The following NAV2 variants were observed in gnomAD, a reference collection of about 807,000 sequenced individuals.
NAV2 encodes the protein helicase, APC down-regulated 1.
Under a neutral mutation model 223.2 loss-of-function variants are expected in NAV2, and 54 were observed. The ratio of observed to expected loss-of-function variants is 0.24; its 90% CI spans 0.19 to 0.30. NAV2 has a LOEUF of 0.30. NAV2 is among the 10% of genes least tolerant of loss of function. NAV2 has a pLI of 1.00. For synonymous variants in NAV2, 1,279 were observed against 1,239.3 expected, an observed-to-expected ratio of 1.03 and a Z score of -0.67; for missense variants, 2,806 against 3,147.5, an observed-to-expected ratio of 0.89 and a Z score of 2.60.
intron 10 of NAV2, among the ~76,000 whole-genome samples, chr11:19,974,291 G>A (rs11604874): frequency 0.15 from 23,304 of 152,168 alleles, 1,886 homozygotes; most frequent in East Asian, 0.23. Flanking sequence ...AGACTTGGGG[G>A]AAAGGATGAA....
chr11:19,624,374 A>G (rs566775250), intron 1 of NAV2, among the ~76,000 whole-genome samples: 1 of 152,294 alleles, frequency 6.6e-6, no homozygotes, highest in East Asian at 1.9e-4. Context: ...GGTGGAGTCT[A>G]CAGAGGCAGG....
At chr11:19,831,248 A>AGGGGGGGGGGGGGGG (rs2059924837) in intron 1 of NAV2, among the ~76,000 whole-genome samples, 1 of 3,064 alleles carries the variant, frequency 3.3e-4, no homozygotes, top group Admixed American at 4.5e-3. Flanking sequence ...CGCGATGGGG[A>AGGGGGGGGGGGGGGG]GTGGGGGGGG....
chr11:20,107,867 G>A, intron 36 of NAV2, 85 bp downstream of exon 36: 1 of 914,824 alleles, frequency 1.1e-6, no homozygotes, highest in East Asian at 2.4e-5. Context: ...TCCTCCTCCA[G>A]GAATCTGACT....
intron 36 of NAV2, among the ~76,000 whole-genome samples, chr11:20,112,900 C>T (rs538332305): frequency 6.6e-6 from 1 of 152,336 alleles, no homozygotes; most frequent in Admixed American, 6.5e-5. Flanking sequence ...CTGTTGTCAG[C>T]ACCTTGCTCT....
At chr11:19,577,284 T>A (rs2045596789) in intron 1 of NAV2, among the ~76,000 whole-genome samples, 1 of 152,266 alleles carries the variant, frequency 6.6e-6, no homozygotes, top group African/African-American at 2.4e-5. Context: ...ATCAGCGTTC[T>A]ATTTGCTTCC....
intron 1 of NAV2, among the ~76,000 whole-genome samples, chr11:19,699,065 C>A (rs976820995): frequency 6.6e-6 from 1 of 152,208 alleles, no homozygotes; most frequent in Non-Finnish European, 1.5e-5. Flanking sequence ...GCCTAGGGCC[C>A]CCACTCTGTG....
chr11:19,649,766 C>T lies in NAV2; in HGVS notation c.76-182718C>T, dbSNP rs75361892. ...CCAAATAATAAGAAAACAATCAATGCAATTAAAAATTGAACAGAATATTTG... is the reference window on the plus strand; with the variant it reads ...CCAAATAATAAGAAAACAATCAATGTAATTAAAAATTGAACAGAATATTTG... On this transcript the variant is annotated intron_variant, in intron 1 of 37. Coordinates refer to the NAV2 transcript ENST00000360655. Among the ~76,000 whole-genome samples the T allele has an allele frequency of 2.6e-5, 4 of 152,162 alleles. No individual in the cohort carries two copies. In the East Asian group the frequency reaches 7.7e-4, roughly 29 times the overall value.
chr11:19,938,944 A>G (rs773549240), intron 7 of NAV2, among the ~76,000 whole-genome samples: 41 of 152,258 alleles, frequency 2.7e-4, no homozygotes, highest in Non-Finnish European at 5.4e-4. Context: ...ATGCAGGGTC[A>G]TGCATCTGAG....
chr11:19,682,333 G>A (rs964184641), intron 1 of NAV2, among the ~76,000 whole-genome samples: 6 of 152,146 alleles, frequency 3.9e-5, no homozygotes, highest in African/African-American at 1.2e-4. Flanking sequence ...TAATCCAATT[G>A]TTATCCTACT....
chr11:20,078,513 C>T (rs1174622342), intron 24 of NAV2, among the ~76,000 whole-genome samples: 1 of 152,150 alleles, frequency 6.6e-6, no homozygotes, highest in African/African-American at 2.4e-5. Context: ...GGTTGAAGTG[C>T]AGTGGTGCAA....
chr11:19,683,671 G>T (rs112518691), intron 1 of NAV2, among the ~76,000 whole-genome samples: 2,805 of 152,348 alleles, frequency 0.018, 97 homozygotes, highest in African/African-American at 0.064. Flanking sequence ...CATCCAGAAA[G>T]GCTGGGCTTC....
In NAV2 at chr11:19,759,285, G is replaced by T. The variant is rs56132145; in HGVS notation, c.267+45323G>T. ...TTTTTAGTAGAGACGGGGTTTCACC[G>T]TGTTAGCCAGGATGGTCTCGATCTG... On this transcript the variant is annotated intron_variant, in intron 1 of 37. Transcript: ENST00000349880. Among the ~76,000 whole-genome samples the T allele has an allele frequency of 3.9e-3, 597 of 151,828 alleles. 3 individuals are homozygous for T. Among genetic ancestry groups the T allele is most frequent in the African/African-American group, 0.014 (572 of 41,390 alleles).
intron 1 of NAV2, among the ~76,000 whole-genome samples, chr11:19,558,484 G>C (rs1352901880): frequency 6.6e-6 from 1 of 152,234 alleles, no homozygotes; most frequent in Non-Finnish European, 1.5e-5. Context: ...GGTTGAAAAA[G>C]AGACCCAGAG....
chr11:19,402,732 T>A (rs2729912), intron 1 of NAV2, among the ~76,000 whole-genome samples: 1 of 152,126 alleles, frequency 6.6e-6, no homozygotes, highest in African/African-American at 2.4e-5. Flanking sequence ...TATACTCTTG[T>A]GATTAAGTAG....
At position 19,494,671 on chromosome 11, in the gene NAV2, C is replaced by T. The variant is rs111710936; in HGVS notation, c.75+143644C>T. Among the ~76,000 whole-genome samples the T allele has an allele frequency of 1.9e-3, 290 of 152,268 alleles. 1 individual carries two copies. Among genetic ancestry groups the T allele is most frequent in the African/African-American group, 6.7e-3 (278 of 41,564 alleles). ...ATTAATTATAAGGATACAAAGACCCCACCCCGGGTTTCCTGAGTCTCTGGA... is the reference window on the plus strand; with the variant it reads ...ATTAATTATAAGGATACAAAGACCCTACCCCGGGTTTCCTGAGTCTCTGGA... On this transcript the variant is annotated intron_variant, in intron 1 of 37. Transcript: ENST00000360655.
intron 1 of NAV2, among the ~76,000 whole-genome samples, chr11:19,526,098 CCA>C (rs1299538682): frequency 6.6e-6 from 1 of 152,110 alleles, no homozygotes; most frequent in Non-Finnish European, 1.5e-5. Context: ...GGCCCTACTG[CCA>C]CAGTGTCACG....
intron 1 of NAV2, among the ~76,000 whole-genome samples, chr11:19,589,232 A>G (rs1347803784): frequency 6.6e-6 from 1 of 152,242 alleles, no homozygotes; most frequent in Non-Finnish European, 1.5e-5. Flanking sequence ...CAAAAAAACA[A>G]ACAAAAAACC....
chr11:19,667,122 T>C (rs2048434891), intron 1 of NAV2, among the ~76,000 whole-genome samples: 2 of 152,150 alleles, frequency 1.3e-5, no homozygotes, highest in South Asian at 2.1e-4. Flanking sequence ...TGTGTGGACA[T>C]AGCAATACTG....
chr11:19,349,394 T>C (rs1274221824), upstream of NAV2, among the ~76,000 whole-genome samples: 1 of 152,202 alleles, frequency 6.6e-6, no homozygotes, highest in Admixed American at 6.5e-5. Flanking sequence ...CTTAACCTGC[T>C]TTGGCACTGA....
Sources: allele counts gnomAD v4.1 joint callset (sites outside exome capture counted in the v4.1 genomes callset), GRCh38; gene constraint gnomAD v4.1.1; transcripts MANE v1.5; gene names NCBI Gene and HGNC (gene_info 2026-07-23, HGNC 2026-07-21).